FBXO11: variants seen among roughly 807,000 people sequenced by gnomAD.
The protein encoded by FBXO11 is F-box only protein 11.
FBXO11 carries 13 observed loss-of-function variants against 117.0 expected under a neutral mutation model. The ratio of observed to expected loss-of-function variants is 0.11; its 90% CI spans 0.07 to 0.18. The LOEUF is 0.18. Ranked by LOEUF, FBXO11 falls within the 10% of genes least tolerant of loss-of-function variation. FBXO11 has a pLI of 1.00. For synonymous variants in FBXO11, 490 were observed against 380.5 expected (o/e 1.29, Z -3.35); for missense variants, 767 against 1,164.4 (o/e 0.66, Z 4.97).
chr2:47,834,465 T>C, intron 7 of FBXO11, 114 bp downstream of exon 7: 1 of 741,958 alleles, frequency 1.3e-6, no homozygotes. Context: ...TCTTCATTCC[T>C]ACTTTACCAG....
chr2:47,866,091 G>A (rs935027231), intron 1 of FBXO11, among the ~76,000 whole-genome samples: 4 of 150,930 alleles, frequency 2.7e-5, no homozygotes, highest in Admixed American at 1.3e-4. Flanking sequence ...CATCTCTACC[G>A]AAAAAAAATT....
chr2:47,823,613 T>TA (rs542903434), intron 11 of FBXO11, among the ~76,000 whole-genome samples: 172 of 151,622 alleles, frequency 1.1e-3, no homozygotes, highest in Admixed American at 2.7e-3. Flanking sequence ...ATTAGCTGGG[T>TA]GTGGTGGCTC....
At chr2:47,810,617 C>T (rs1558402020) in intron 18 of FBXO11, 191 bp from the exon 19 acceptor site, 1 of 480,400 alleles carries the variant, frequency 2.1e-6, no homozygotes. Flanking sequence ...GCTACAATGA[C>T]AGGTAAGAGC....
At chr2:47,809,555 A>G (rs757196357) in intron 20 of FBXO11, 45 bp downstream of exon 20, 2 of 1,349,398 alleles carry the variant, frequency 1.5e-6, no homozygotes, top group Non-Finnish European at 1.0e-6. Flanking sequence ...ATTATCTTTC[A>G]TGGCATATTG....
chr2:47,865,046 T>A (rs1289620293), intron 1 of FBXO11, among the ~76,000 whole-genome samples: 1 of 152,208 alleles, frequency 6.6e-6, no homozygotes, highest in East Asian at 1.9e-4. Flanking sequence ...CTGAACTGTT[T>A]CCTGTTTCCA....
At chr2:47,869,914 T>G (rs1288408633) in intron 1 of FBXO11, among the ~76,000 whole-genome samples, 1 of 152,170 alleles carries the variant, frequency 6.6e-6, no homozygotes, top group Non-Finnish European at 1.5e-5. Flanking sequence ...TGACCTCAGG[T>G]GATCCACCCA....
chr2:47,877,057 G>C (rs1184177035), intron 1 of FBXO11, among the ~76,000 whole-genome samples: 1 of 148,210 alleles, frequency 6.7e-6, no homozygotes, highest in African/African-American at 2.5e-5. Flanking sequence ...TTTTTTTTGA[G>C]AGGGTCTTGC....
At position 47,865,318 on chromosome 2, in the gene FBXO11, T is replaced by A. The variant is rs578029564; in HGVS notation, c.233-25549A>T. On this transcript the variant is annotated intron_variant, in intron 1 of 22. Coordinates refer to ENST00000403359, the MANE Select transcript of FBXO11 (RefSeq NM_001190274.2). ...ACTGAGTTGGCCATCTGACTAGGTT[T>A]TGGCCAATGGGCTACATGGCCAATG... 2.0e-4 allele frequency among the ~76,000 whole-genome samples: 30 copies of A among 152,338 alleles called. No individual in the cohort carries two copies. In the South Asian group the frequency reaches 6.0e-3, roughly 31 times the overall value.
chr2:47,890,123 ATTATTTATTTAT>A lies in FBXO11; in HGVS notation c.232+15354_232+15365del, dbSNP rs137926259. 1.4e-3 allele frequency among the ~76,000 whole-genome samples: 217 copies of A among 151,730 alleles called. 3 individuals carry two copies. Among genetic ancestry groups the A allele is most frequent in the African/African-American group, 4.9e-3 (201 of 41,288 alleles). ...ATGCCACCAGGCCTGGCTAATTTTT[ATTATTTATTTAT>A]TTATTTATTTATTTCAGAGACAGGG... On this transcript the variant is annotated intron_variant, in intron 1 of 22. Transcript: ENST00000403359.
chr2:47,881,245 CTG>C lies in FBXO11; in HGVS notation c.232+24242_232+24243del, dbSNP rs1211095219. ...CCAGCCTGGGTGACACAACGAGACT[CTG>C]TCTCAAAAAAAGAAAGAAACAAAGA... On this transcript the variant is annotated intron_variant, in intron 1 of 22. Coordinates refer to ENST00000403359, the MANE Select transcript of FBXO11 (RefSeq NM_001190274.2). Among the ~76,000 whole-genome samples the C allele has an allele frequency of 7.9e-5, 12 of 152,130 alleles. 1 individual carries two copies. The South Asian group carries it at 1.9e-3, about 24-fold the overall frequency.
intron 1 of FBXO11, among the ~76,000 whole-genome samples, chr2:47,881,431 C>T (rs551549485): frequency 6.6e-6 from 1 of 152,084 alleles, no homozygotes; most frequent in Non-Finnish European, 1.5e-5. Context: ...ATTTCTATCT[C>T]TTTAGACAAT....
At position 47,906,066 on chromosome 2, in the gene FBXO11, C is replaced by CGCG. The variant is rs533249335; in HGVS notation, c.-349_-347dup. ...GCCGCTTGGGGATCCCGAGGCGAAG[C>CGCG]GCGGCGGCGGCGGCGGCGGCGGCTG... On this transcript the variant is annotated 5_prime_UTR_variant, in exon 1 of 23. Transcript: ENST00000403359. The CGCG allele has an allele frequency of 0.032, 5,551 of 173,488 alleles. 123 individuals carry two copies. Among genetic ancestry groups the CGCG allele is most frequent in the Non-Finnish European group, 0.044 (3,643 of 83,494 alleles). 10.7% of individuals were successfully genotyped at this position (173,488 alleles called of 1,614,324 possible).
intron 1 of FBXO11, among the ~76,000 whole-genome samples, chr2:47,899,273 CAAAAAAA>C (rs376186704): frequency 1.6e-5 from 1 of 60,640 alleles, no homozygotes; most frequent in Admixed American, 1.8e-4. Context: ...GACTCCGTCT[CAAAAAAA>C]AAAAAAAAAA....
Position 47,905,577 on chromosome 2 carries a change from CGGCGGCGGA to C in FBXO11, c.135_143del (p.Pro47_Pro49del), listed in dbSNP as rs1484982586. The C allele has an allele frequency of 1.6e-6, 2 of 1,257,584 alleles. No individual in the cohort carries two copies. The highest frequency in any genetic ancestry group is 2.0e-6 in the Non-Finnish European group (2 of 1,005,572). The allele number at this position is 1,257,584 out of a possible 1,614,324, so 77.9% of individuals were successfully genotyped here. ...GCTGCTGCTGCTGCTGCTGCTGCGG[CGGCGGCGGA>C]GGCTGCTGCTGGGGCGGCTGCTGCT... On this transcript the variant is annotated inframe_deletion, in exon 1 of 23. Transcript: ENST00000403359.
At chr2:47,834,549 A>C (rs755881392) in intron 7 of FBXO11, 30 bp downstream of exon 7, 17 of 1,495,280 alleles carry the variant, frequency 1.1e-5, no homozygotes, top group Non-Finnish European at 1.5e-5. Context: ...TAAAATATTA[A>C]AATTTTAATG....
At chr2:47,843,459 T>C (rs1161366694) in intron 1 of FBXO11, among the ~76,000 whole-genome samples, 2 of 152,082 alleles carry the variant, frequency 1.3e-5, no homozygotes, top group Non-Finnish European at 2.9e-5. Flanking sequence ...TGCAAATTTT[T>C]GCTTTATGTG....
chr2:47,858,899 C>T lies in FBXO11; in HGVS notation c.233-19130G>A, dbSNP rs376890189. Among the ~76,000 whole-genome samples, 264 of 150,784 alleles carry T rather than the reference C, an allele frequency of 1.8e-3. 1 individual carries two copies. Among genetic ancestry groups the T allele is most frequent in the East Asian group, 4.1e-3 (21 of 5,110 alleles). On this transcript the variant is annotated intron_variant, in intron 1 of 22. Transcript: ENST00000403359. Reference sequence around the variant, plus strand: ...ACTAAAAATACAAAAATTAGCTGGGCGTGGTAGCCCGCGCCTGTAATCCCA... The same window carrying T: ...ACTAAAAATACAAAAATTAGCTGGGTGTGGTAGCCCGCGCCTGTAATCCCA...
Position 47,877,788 on chromosome 2 carries a change from G to A in FBXO11, c.232+27701C>T, listed in dbSNP as rs139896860. Among the ~76,000 whole-genome samples the A allele has an allele frequency of 5.0e-3, 757 of 152,248 alleles. 6 individuals are homozygous for A. Among genetic ancestry groups the A allele is most frequent in the African/African-American group, 0.017 (725 of 41,550 alleles). ...CAACCTCCGACTCCCAGGTTCAAGC[G>A]ATTCTCCTGCTTCAGCCTCCCAACT... On this transcript the variant is annotated intron_variant, in intron 1 of 22. Coordinates refer to ENST00000403359, the MANE Select transcript of FBXO11 (RefSeq NM_001190274.2).
intron 1 of FBXO11, among the ~76,000 whole-genome samples, chr2:47,894,831 T>C (rs1677536433): frequency 1.3e-5 from 2 of 152,174 alleles, no homozygotes; most frequent in Admixed American, 6.5e-5. Flanking sequence ...ATAACAACTG[T>C]GGCTATCTGC....
Sources: gnomAD v4.1 joint callset for allele counts (sites outside exome capture counted in the v4.1 genomes callset) on GRCh38, gnomAD v4.1.1 for gene constraint, MANE v1.5 for transcripts, NCBI Gene and HGNC (gene_info 2026-07-23, HGNC 2026-07-21) for gene names.